Variants in RIT2 observed in about 807,000 individuals in gnomAD.
The protein encoded by RIT2 is Ras like without CAAX 2.
In RIT2, 24 loss-of-function variants were observed where a neutral mutation model predicts 23.7. The observed-to-expected ratio is 1.01, with a 90% CI of 0.73 to 1.43. RIT2 has a LOEUF of 1.43. RIT2 is among the 40% of genes most tolerant of loss of function. The pLI is 0.00. For missense variants in RIT2, 236 were observed against 266.9 expected (o/e 0.88, Z 0.81); for synonymous variants, 107 against 91.1 (o/e 1.17, Z -0.99).
At chr18:42,748,909 T>A (rs1043990364) in intron 4 of RIT2, among the ~76,000 whole-genome samples, 8 of 151,722 alleles carry the variant, frequency 5.3e-5, no homozygotes, top group African/African-American at 1.9e-4. Context: ...CCTATTGAAA[T>A]AAAAATAAGT....
intron 4 of RIT2, among the ~76,000 whole-genome samples, chr18:42,884,991 C>T (rs1257710179): frequency 6.6e-6 from 1 of 152,180 alleles, no homozygotes; most frequent in Non-Finnish European, 1.5e-5. Context: ...ACTGTTCTCA[C>T]CAAGGTTACC....
intron 2 of RIT2, among the ~76,000 whole-genome samples, chr18:43,018,621 T>C (rs961649357): frequency 1.3e-5 from 2 of 151,918 alleles, no homozygotes; most frequent in East Asian, 3.9e-4. Flanking sequence ...AAAAGACATA[T>C]TTAAAGTGCT....
intron 1 of RIT2, among the ~76,000 whole-genome samples, chr18:43,035,495 C>T (rs1911953244): frequency 6.6e-6 from 1 of 152,146 alleles, no homozygotes; most frequent in Non-Finnish European, 1.5e-5. Context: ...TTCAGTCAGG[C>T]TCCTCTGAAC....
chr18:42,803,285 A>G (rs1905592197), intron 4 of RIT2, among the ~76,000 whole-genome samples: 1 of 152,222 alleles, frequency 6.6e-6, no homozygotes, highest in Admixed American at 6.5e-5. Context: ...TTATCCACAG[A>G]AAGGAACTTA....
intron 4 of RIT2, among the ~76,000 whole-genome samples, chr18:42,818,308 C>T (rs559149332): frequency 6.6e-6 from 1 of 152,168 alleles, no homozygotes; most frequent in East Asian, 1.9e-4. Flanking sequence ...CATAATTCCA[C>T]TTTTGCCTGT....
intron 1 of RIT2, among the ~76,000 whole-genome samples, chr18:43,090,231 A>T (rs1913388728): frequency 6.6e-6 from 1 of 152,222 alleles, no homozygotes; most frequent in Non-Finnish European, 1.5e-5. Context: ...GACACTTTTC[A>T]AAAGAAGATG....
chr18:43,097,906 T>G (rs1400161900), intron 1 of RIT2, among the ~76,000 whole-genome samples: 12 of 151,908 alleles, frequency 7.9e-5, no homozygotes, highest in Admixed American at 7.9e-4. Context: ...ATCAGCAAAT[T>G]AAACACAAAT....
intron 4 of RIT2, among the ~76,000 whole-genome samples, chr18:42,842,401 A>G (rs1906791317): frequency 6.6e-6 from 1 of 152,176 alleles, no homozygotes; most frequent in Non-Finnish European, 1.5e-5. Flanking sequence ...TAAATTACTA[A>G]CGTAAAATAT....
chr18:42,827,075 GGA>G (rs1401453940), intron 4 of RIT2, among the ~76,000 whole-genome samples: 4 of 152,164 alleles, frequency 2.6e-5, no homozygotes, highest in African/African-American at 9.6e-5. Context: ...CCAAAAACAA[GGA>G]GAGAAGATTT....
At chr18:42,796,865 A>C (rs143051707) in intron 4 of RIT2, among the ~76,000 whole-genome samples, 4 of 152,338 alleles carry the variant, frequency 2.6e-5, no homozygotes, top group Non-Finnish European at 4.4e-5. Context: ...ATACCTAACT[A>C]TAGTTCCTGC....
intron 2 of RIT2, among the ~76,000 whole-genome samples, chr18:42,993,189 C>T (rs1343972417): frequency 1.3e-5 from 2 of 152,206 alleles, no homozygotes; most frequent in South Asian, 2.1e-4. Flanking sequence ...GGAATGCCCA[C>T]AGCCCAGGAT....
chr18:42,886,631 A>G (rs1436977698), intron 4 of RIT2, among the ~76,000 whole-genome samples: 2 of 152,198 alleles, frequency 1.3e-5, no homozygotes, highest in Non-Finnish European at 2.9e-5. Context: ...TGACATCTGT[A>G]TGGTATGTGA....
chr18:43,092,262 A>G (rs1409290523), intron 1 of RIT2, among the ~76,000 whole-genome samples: 2 of 152,126 alleles, frequency 1.3e-5, no homozygotes, highest in Admixed American at 1.3e-4. Context: ...TCTCCAAAAG[A>G]GAGGCTTATG....
chr18:43,001,202 G>T (rs1400704934), intron 2 of RIT2, among the ~76,000 whole-genome samples: 1 of 151,974 alleles, frequency 6.6e-6, no homozygotes, highest in South Asian at 2.1e-4. Flanking sequence ...CCTTGCTACA[G>T]AAGAGAAATG....
intron 4 of RIT2, among the ~76,000 whole-genome samples, chr18:42,789,987 T>G (rs750383399): frequency 5.3e-5 from 8 of 152,212 alleles, no homozygotes; most frequent in African/African-American, 1.7e-4. Flanking sequence ...ATTGTTTCGA[T>G]GTATATTCCT....
At chr18:42,882,370 A>T (rs570558793) in intron 4 of RIT2, among the ~76,000 whole-genome samples, 1 of 152,148 alleles carries the variant, frequency 6.6e-6, no homozygotes, top group Non-Finnish European at 1.5e-5. Context: ...CATGTTTTCT[A>T]CTTAAAAATA....
At chr18:42,919,700 C>T (rs1021974552) in intron 4 of RIT2, among the ~76,000 whole-genome samples, 3 of 151,320 alleles carry the variant, frequency 2.0e-5, no homozygotes, top group Non-Finnish European at 2.9e-5. Context: ...GGTGACAGAG[C>T]GAGACTCCAT....
chr18:42,860,635 G>A (rs976192179), intron 4 of RIT2, among the ~76,000 whole-genome samples: 3 of 152,138 alleles, frequency 2.0e-5, no homozygotes, highest in African/African-American at 7.2e-5. Flanking sequence ...CCCTCTCTAG[G>A]AGGAGTGCTA....
chr18:43,055,268 A>G (rs1912473669), intron 1 of RIT2, among the ~76,000 whole-genome samples: 1 of 152,140 alleles, frequency 6.6e-6, no homozygotes, highest in African/African-American at 2.4e-5. Flanking sequence ...TAAGCAGCAT[A>G]ATTCTCTCAG....
Sources: gnomAD v4.1 joint callset for allele counts (sites outside exome capture counted in the v4.1 genomes callset) on GRCh38, gnomAD v4.1.1 for gene constraint, MANE v1.5 for transcripts, NCBI Gene and HGNC (gene_info 2026-07-23, HGNC 2026-07-21) for gene names.